Variants in IFNGR1 observed in about 807,000 individuals in gnomAD.
The protein encoded by IFNGR1 is interferon gamma receptor 1.
IFNGR1 carries 23 observed loss-of-function variants against 35.4 expected under a neutral mutation model. The ratio of observed to expected loss-of-function variants is 0.65; its 90% CI spans 0.47 to 0.92. IFNGR1 has a LOEUF of 0.92. IFNGR1 is among the 40% of genes least tolerant of loss of function. The probability of loss-of-function intolerance (pLI) is 0.00; values close to 1 mark genes in which losing one functional copy is unlikely to be tolerated. For missense variants in IFNGR1, 533 were observed against 583.4 expected, an observed-to-expected ratio of 0.91 and a Z score of 0.89; for synonymous variants, 199 against 209.5, an observed-to-expected ratio of 0.95 and a Z score of 0.43.
At chr6:137,198,694 C>T (rs1779162945) in intron 6 of IFNGR1, 55 bp from the exon 7 acceptor site, 3 of 1,431,520 alleles carry the variant, frequency 2.1e-6, no homozygotes, top group Non-Finnish European at 2.9e-6. Context: ...AAGTGCCTAC[C>T]CTCAAAAAAA....
chr6:137,203,420 A>T (rs946888163), intron 5 of IFNGR1, 79 bp downstream of exon 5: 2 of 795,250 alleles, frequency 2.5e-6, no homozygotes, highest in African/African-American at 3.4e-5. Flanking sequence ...TGAAACTGCA[A>T]ATGAGTTTGC....
intron 6 of IFNGR1, among the ~76,000 whole-genome samples, chr6:137,199,500 A>ATATATAATAAATTATATATT (rs1779201890): frequency 2.1e-4 from 3 of 14,486 alleles, no homozygotes; most frequent in Non-Finnish European, 5.8e-4. Context: ...TATTATATAA[A>ATATATAATAAATTATATATT]ATATATAATT....
intron 1 of IFNGR1, among the ~76,000 whole-genome samples, chr6:137,212,344 G>C (rs1779595840): frequency 6.6e-6 from 1 of 152,134 alleles, no homozygotes; most frequent in Non-Finnish European, 1.5e-5. Context: ...TGCAACCTCT[G>C]CCTCCTGGGT....
chr6:137,199,341 A>T (rs954577905), intron 6 of IFNGR1, among the ~76,000 whole-genome samples: 20 of 130,494 alleles, frequency 1.5e-4, no homozygotes, highest in African/African-American at 6.0e-4. Flanking sequence ...AATATATAAT[A>T]TATAATTTAT....
intron 6 of IFNGR1, among the ~76,000 whole-genome samples, chr6:137,199,422 A>T (rs1779189877): frequency 8.6e-6 from 1 of 115,644 alleles, no homozygotes; most frequent in African/African-American, 3.2e-5. Context: ...TATTATATAA[A>T]CATATAATTT....
At position 137,206,945 on chromosome 6, in the gene IFNGR1, T is replaced by C. The variant is rs41505745; in HGVS notation, c.200+18A>G. On this transcript the variant is annotated intron_variant, in intron 2 of 6. Coordinates refer to ENST00000367739, the MANE Select transcript of IFNGR1 (RefSeq NM_000416.3). ...ACAAAAATGGAATAAAAAGGATAAA[T>C]AAAAGAGTGACACTCACCCATAGTT... is the stretch of plus-strand genomic sequence containing the variant. 1.4e-3 allele frequency: 2,201 copies of C among 1,563,108 alleles called. 22 individuals carry two copies. In the African/African-American group the frequency reaches 0.027, roughly 19 times the overall value.
chr6:137,213,410 G>A (rs1241102779), intron 1 of IFNGR1, among the ~76,000 whole-genome samples: 1 of 152,098 alleles, frequency 6.6e-6, no homozygotes, highest in African/African-American at 2.4e-5. Context: ...GCTATTTTAA[G>A]ATCTAATTCC....
intron 1 of IFNGR1, among the ~76,000 whole-genome samples, chr6:137,209,155 A>C (rs1048629723): frequency 2.0e-5 from 3 of 152,056 alleles, no homozygotes; most frequent in Admixed American, 2.0e-4. Flanking sequence ...TTTACCCAAT[A>C]CCTGTACCCA....
At chr6:137,218,859 C>G (rs1276455114) in intron 1 of IFNGR1, 2 of 364,026 alleles carry the variant, frequency 5.5e-6, no homozygotes, top group Non-Finnish European at 1.1e-5. Context: ...TAGTGAGTAT[C>G]TGCGTATCTA....
intron 5 of IFNGR1, among the ~76,000 whole-genome samples, chr6:137,202,719 G>A (rs1037062545): frequency 6.6e-6 from 1 of 151,256 alleles, no homozygotes; most frequent in African/African-American, 2.4e-5. Flanking sequence ...TATACAATAT[G>A]ATCATGTCTA....
rs1211889586 is a variant in IFNGR1, at chr6:137,197,939, T to C, written c.*92A>G. Reference sequence around the variant, plus strand: ...TCCATTTGGTTGATACCAACTAAGATACAATTTCTGAGATCATAATCTTTT... The same window carrying C: ...TCCATTTGGTTGATACCAACTAAGACACAATTTCTGAGATCATAATCTTTT... On this transcript the variant is annotated 3_prime_UTR_variant, in exon 7 of 7. Transcript: ENST00000367739. The C allele has an allele frequency of 2.6e-6, 4 of 1,558,910 alleles. No homozygotes were observed. Among genetic ancestry groups the C allele is most frequent in the Non-Finnish European group, 3.5e-6 (4 of 1,133,812 alleles).
In IFNGR1 at chr6:137,198,548, T is replaced by C. The variant is rs749894572; in HGVS notation, c.953A>G (p.Lys318Arg). Reference protein sequence around the residue: ...ITSYQPFSLEKEVVCEEPLSP... With the variant: ...ITSYQPFSLEREVVCEEPLSP... ...CAACGGCTCTTCACAGACCACCTCC[T>C]TTTCTAAGGAAAATGGCTGGTATGA... The change falls in exon 7 of 7, where the codon AAG (lysine) becomes AGG (arginine). Residue 318 changes from lysine (K) to arginine (R), a missense_variant. Physicochemically the swap from Lys to Arg is conservative, Grantham distance 26 (BLOSUM62 2). Transcript: ENST00000367739. 1 of 1,613,904 alleles carries C rather than the reference T, an allele frequency of 6.2e-7. No homozygotes were observed. Among genetic ancestry groups the C allele is most frequent in the Non-Finnish European group, 8.5e-7 (1 of 1,179,832 alleles).
At chr6:137,202,510 A>G (rs556551885) in intron 5 of IFNGR1, among the ~76,000 whole-genome samples, 7 of 152,248 alleles carry the variant, frequency 4.6e-5, no homozygotes, top group African/African-American at 1.4e-4. Context: ...TCTTCAGCCT[A>G]TATTTCCATT....
intron 5 of IFNGR1, among the ~76,000 whole-genome samples, chr6:137,201,642 C>T (rs1233858930): frequency 6.6e-6 from 1 of 151,754 alleles, no homozygotes; most frequent in Non-Finnish European, 1.5e-5. Flanking sequence ...CACTGGACTC[C>T]AGCCTGGTGA....
At position 137,198,553 on chromosome 6, in the gene IFNGR1, T is replaced by C; in HGVS notation, c.948A>G (p.Leu316=). 6.2e-7 allele frequency: 1 copy of C among 1,613,876 alleles called. No homozygotes were observed. The highest frequency in any genetic ancestry group is 1.1e-5 in the South Asian group (1 of 91,078). ...GCTCTTCACAGACCACCTCCTTTTC[T>C]AAGGAAAATGGCTGGTATGACGTGA... ...SLITSYQPFS[L]EKEVVCEEPL... The change falls in exon 7 of 7, where the codon TTA becomes TTG. Residue 316 remains leucine (L), a synonymous_variant. Coordinates refer to ENST00000367739, the MANE Select transcript of IFNGR1 (RefSeq NM_000416.3).
At chr6:137,218,569 C>T in intron 1 of IFNGR1, 1 of 1,261,652 alleles carries the variant, frequency 7.9e-7, no homozygotes, top group Non-Finnish European at 1.0e-6. Context: ...TGCATACTTT[C>T]CTACCCTAAG....
intron 1 of IFNGR1, among the ~76,000 whole-genome samples, chr6:137,217,739 G>A (rs568339887): frequency 5.8e-4 from 89 of 152,194 alleles, no homozygotes; most frequent in Non-Finnish European, 1.0e-3. Flanking sequence ...TTTTGCTTAA[G>A]TTAATAAAGC....
At chr6:137,214,711 G>C (rs977795977) in intron 1 of IFNGR1, among the ~76,000 whole-genome samples, 2 of 152,190 alleles carry the variant, frequency 1.3e-5, no homozygotes, top group Admixed American at 6.5e-5. Flanking sequence ...GACTGGACCA[G>C]ACCAATCTAG....
chr6:137,206,419 A>T (rs1477298919), intron 2 of IFNGR1, 111 bp from the exon 3 acceptor site: 2 of 783,254 alleles, frequency 2.6e-6, no homozygotes, highest in Non-Finnish European at 4.2e-6. Flanking sequence ...TAGAAAGAGC[A>T]GAGCTAAGAA....
Sources: allele counts gnomAD v4.1 joint callset (sites outside exome capture counted in the v4.1 genomes callset), GRCh38; gene constraint gnomAD v4.1.1; transcripts MANE v1.5; gene names NCBI Gene and HGNC (gene_info 2026-07-23, HGNC 2026-07-21).